SNX29: variants seen among roughly 807,000 people sequenced by gnomAD.
SNX29 encodes the protein sorting nexin-29.
Under a neutral mutation model 102.1 loss-of-function variants are expected in SNX29, and 78 were observed. That is an observed-to-expected ratio of 0.76 (90% confidence interval 0.64 to 0.92). SNX29 has a LOEUF of 0.92. Among genes scored for constraint, SNX29 ranks in the 40% least tolerant of loss-of-function variants. The pLI is 0.00. For synonymous variants in SNX29, 580 were observed against 414.5 expected (o/e 1.40, Z -4.85); for missense variants, 1,280 against 1,061.7 (o/e 1.21, Z -2.86).
At chr16:12,320,505 C>T (rs572907055) in intron 15 of SNX29, among the ~76,000 whole-genome samples, 6 of 152,304 alleles carry the variant, frequency 3.9e-5, no homozygotes, top group South Asian at 2.1e-4. Flanking sequence ...GGCTGGGAAC[C>T]GTGACACGTT....
At chr16:12,568,354 C>G (rs544275537) in intron 20 of SNX29, among the ~76,000 whole-genome samples, 152 bp from the exon 21 acceptor site, 3 of 151,244 alleles carry the variant, frequency 2.0e-5, no homozygotes, top group Non-Finnish European at 4.4e-5. Flanking sequence ...TTTCTCATTT[C>G]TTCAGGTGGC....
chr16:12,436,953 TCTTTC>T (rs1167260862), intron 18 of SNX29, among the ~76,000 whole-genome samples: 1 of 152,192 alleles, frequency 6.6e-6, no homozygotes, highest in East Asian at 1.9e-4. Context: ...ACGCCCGGCC[TCTTTC>T]CTTGTCTTTG....
chr16:12,378,925 C>T (rs1458496564), intron 16 of SNX29, among the ~76,000 whole-genome samples: 1 of 152,194 alleles, frequency 6.6e-6, no homozygotes, highest in Non-Finnish European at 1.5e-5. Flanking sequence ...CCCAGATTCA[C>T]TCTGAACCAT....
intron 18 of SNX29, among the ~76,000 whole-genome samples, chr16:12,448,877 G>A (rs149997875): frequency 3.9e-5 from 6 of 152,228 alleles, no homozygotes; most frequent in East Asian, 1.9e-4. Context: ...CCTTTTGGAC[G>A]GTAGTGATTT....
chr16:12,311,538 T>A (rs889734048), intron 15 of SNX29, among the ~76,000 whole-genome samples: 5 of 152,244 alleles, frequency 3.3e-5, no homozygotes, highest in African/African-American at 1.2e-4. Flanking sequence ...AGCTTGCAGC[T>A]CCCTCTGCCT....
At chr16:12,218,997 A>T (rs1170828910) in intron 14 of SNX29, among the ~76,000 whole-genome samples, 1 of 152,044 alleles carries the variant, frequency 6.6e-6, no homozygotes, top group East Asian at 1.9e-4. Context: ...GTTGGTCTCG[A>T]TCTCCTGACC....
intron 16 of SNX29, among the ~76,000 whole-genome samples, chr16:12,387,127 T>TA (rs1471259576): frequency 1.6e-4 from 24 of 149,316 alleles, no homozygotes; most frequent in African/African-American, 4.4e-4. Flanking sequence ...TCAGTCTCAT[T>TA]AAAAAAATAA....
intron 18 of SNX29, among the ~76,000 whole-genome samples, chr16:12,423,333 C>T (rs1193832130): frequency 2.6e-5 from 4 of 152,134 alleles, no homozygotes; most frequent in Non-Finnish European, 5.9e-5. Context: ...ACCGTCTCTA[C>T]CCACTGCCTC....
At chr16:12,299,068 G>A (rs2080074762) in intron 15 of SNX29, among the ~76,000 whole-genome samples, 1 of 151,846 alleles carries the variant, frequency 6.6e-6, no homozygotes, top group Non-Finnish European at 1.5e-5. Context: ...GGGAGGTCAA[G>A]GTAGGTGAAT....
intron 3 of SNX29, among the ~76,000 whole-genome samples, chr16:12,022,150 T>C (rs1458614952): frequency 6.6e-6 from 1 of 150,894 alleles, no homozygotes; most frequent in Non-Finnish European, 1.5e-5. Flanking sequence ...ACCGTTAAAA[T>C]TGTAAGTATA....
rs532164542 is a variant in SNX29, at chr16:12,340,759, C to A, written c.1783-15404C>A. On this transcript the variant is annotated intron_variant, in intron 15 of 20. Coordinates refer to ENST00000566228, the MANE Select transcript of SNX29 (RefSeq NM_032167.5). ...ATCTCTAAGAGTCTGATTAGGTCAC[C>A]CGGAGCATGTGGTATCTTGGGCATT... Among the ~76,000 whole-genome samples, 9 of 152,242 alleles carry A rather than the reference C, an allele frequency of 5.9e-5. No individual in the cohort carries two copies. The East Asian group carries it at 1.7e-3, about 29-fold the overall frequency.
At chr16:12,538,860 A>AGGGTAGATGGGG in intron 20 of SNX29, among the ~76,000 whole-genome samples, 1 of 152,064 alleles carries the variant, frequency 6.6e-6, no homozygotes, top group South Asian at 2.1e-4. Context: ...GGCACAGAGA[A>AGGGTAGATGGGG]CGGTAGATGG....
chr16:12,062,770 G>T (rs919489721), intron 9 of SNX29, among the ~76,000 whole-genome samples: 1 of 152,178 alleles, frequency 6.6e-6, no homozygotes, highest in Admixed American at 6.5e-5. Flanking sequence ...CTGAACTGGG[G>T]TGTAGATTCT....
chr16:12,507,148 G>A (rs1322978753), intron 19 of SNX29, among the ~76,000 whole-genome samples: 2 of 152,232 alleles, frequency 1.3e-5, no homozygotes, highest in African/African-American at 4.8e-5. Flanking sequence ...TGATGAGACC[G>A]AAATGCTTTC....
chr16:12,476,381 AAAATATATATATAT>A (rs2087611424), intron 18 of SNX29, among the ~76,000 whole-genome samples: 1 of 15,932 alleles, frequency 6.3e-5, no homozygotes, highest in African/African-American at 2.0e-4. Flanking sequence ...AAAAAAAAAA[AAAATATATATATAT>A]ATATATATAT....
At chr16:12,480,951 C>T (rs1004904555) in intron 19 of SNX29, among the ~76,000 whole-genome samples, 1 of 152,140 alleles carries the variant, frequency 6.6e-6, no homozygotes, top group Non-Finnish European at 1.5e-5. Flanking sequence ...TGTCAACTCA[C>T]TACAACCTGT....
At chr16:12,010,420 G>T (rs543237166) in intron 3 of SNX29, among the ~76,000 whole-genome samples, 1 of 152,074 alleles carries the variant, frequency 6.6e-6, no homozygotes, top group African/African-American at 2.4e-5. Context: ...CCAGGAGTTC[G>T]AGACCAGCCT....
chr16:12,197,343 G>T (rs983710431), intron 13 of SNX29, among the ~76,000 whole-genome samples: 2 of 152,126 alleles, frequency 1.3e-5, no homozygotes, highest in African/African-American at 4.8e-5. Context: ...GCTGAGGTGG[G>T]CGGATCACTT....
chr16:12,020,733 C>G lies in SNX29; in HGVS notation c.123-6587C>G, dbSNP rs375601211. On this transcript the variant is annotated intron_variant, in intron 3 of 20. Transcript: ENST00000566228. ...CCCCCTCCTGGGTTCAAGCGATTCT[C>G]CTGTCTCAGCCACCTGAGTAGCTGG... 2.6e-4 allele frequency among the ~76,000 whole-genome samples: 39 copies of G among 151,780 alleles called. No homozygotes were observed. In the East Asian group the frequency reaches 5.9e-3, roughly 23 times the overall value.
Sources: allele counts gnomAD v4.1 joint callset (sites outside exome capture counted in the v4.1 genomes callset), GRCh38; gene constraint gnomAD v4.1.1; transcripts MANE v1.5; gene names NCBI Gene and HGNC (gene_info 2026-07-23, HGNC 2026-07-21).